Variants in SND1 observed in about 807,000 individuals in gnomAD.
SND1 encodes the protein staphylococcal nuclease and tudor domain containing 1, also known as staphylococcal nuclease domain-containing protein 1.
SND1 carries 38 observed loss-of-function variants against 121.7 expected under a neutral mutation model. The ratio of observed to expected loss-of-function variants is 0.31; its 90% CI spans 0.24 to 0.41. SND1 has a LOEUF of 0.41. SND1 is among the 10% of genes least tolerant of loss of function. The pLI is 1.00. For missense variants in SND1, 868 were observed against 1,184.6 expected (o/e 0.73, Z 3.92); for synonymous variants, 401 against 447.4 (o/e 0.90, Z 1.31).
At chr7:127,999,326 C>G (rs1205519066) in intron 16 of SND1, 5 of 150,924 alleles carry the variant, frequency 3.3e-5, no homozygotes, top group Non-Finnish European at 7.4e-5. Context: ...ATAGTAAACT[C>G]TTCCTTAAGA....
rs184414913 is a variant in SND1, at chr7:127,936,264, C to T, written c.1669+6935C>T. Among the ~76,000 whole-genome samples the T allele has an allele frequency of 2.0e-5, 3 of 152,268 alleles. No homozygotes were observed. In the East Asian group the frequency reaches 5.8e-4, roughly 29 times the overall value. ...CTCCTAAGCGTGCTGATTTCAGTCT[C>T]GGAGGCAGTCACAGACACTTCTTGT... is the stretch of plus-strand genomic sequence containing the variant. On this transcript the variant is annotated intron_variant, in intron 15 of 23. Transcript: ENST00000354725.
intron 11 of SND1, among the ~76,000 whole-genome samples, chr7:127,829,536 C>G (rs1798701846): frequency 6.6e-6 from 1 of 152,224 alleles, no homozygotes; most frequent in Non-Finnish European, 1.5e-5. Context: ...CCTTAGGCCA[C>G]TGACTGCTCT....
chr7:128,039,163 T>C (rs1204860718), intron 16 of SND1, among the ~76,000 whole-genome samples: 1 of 152,240 alleles, frequency 6.6e-6, no homozygotes, highest in Non-Finnish European at 1.5e-5. Context: ...TGTTCCCCCA[T>C]ATCTTCAGGT....
intron 1 of SND1, among the ~76,000 whole-genome samples, chr7:127,682,931 A>G (rs1258668433): frequency 1.3e-5 from 2 of 152,248 alleles, no homozygotes; most frequent in East Asian, 1.9e-4. Flanking sequence ...CTTTCTGAGA[A>G]GAAAAACGGC....
intron 10 of SND1, among the ~76,000 whole-genome samples, chr7:127,781,791 T>C (rs922165161): frequency 2.6e-5 from 4 of 152,222 alleles, no homozygotes; most frequent in Admixed American, 2.0e-4. Flanking sequence ...AATTCAGTAA[T>C]AATGAAAATG....
intron 1 of SND1, among the ~76,000 whole-genome samples, chr7:127,669,601 G>T (rs1261940975): frequency 6.6e-6 from 1 of 152,068 alleles, no homozygotes; most frequent in Non-Finnish European, 1.5e-5. Flanking sequence ...TCTTATATTT[G>T]TTCTTGCTTC....
At chr7:128,077,780 C>T (rs1793530954) in intron 17 of SND1, among the ~76,000 whole-genome samples, 1 of 152,228 alleles carries the variant, frequency 6.6e-6, no homozygotes, top group African/African-American at 2.4e-5. Context: ...TTCCTGGGCC[C>T]TGCTGCTTAG....
At position 128,016,000 on chromosome 7, in the gene SND1, G is replaced by A. The variant is rs566235619; in HGVS notation, c.1779+24944G>A. ...ACCAAAGCGATCTCAGCAGCTGCTG[G>A]AATGCCATTGGTACAGCCATACCAA... On this transcript the variant is annotated intron_variant, in intron 16 of 23. Coordinates refer to ENST00000354725, the MANE Select transcript of SND1 (RefSeq NM_014390.4). This position sits in a 1 kb window ranked among gnomAD's most constrained non-coding sequence, Gnocchi z 4.5. 6.6e-6 allele frequency among the ~76,000 whole-genome samples: 1 copy of A among 152,232 alleles called. No individual in the cohort carries two copies. Among genetic ancestry groups the A allele is most frequent in the South Asian group, 2.1e-4 (1 of 4,816 alleles).
intron 12 of SND1, among the ~76,000 whole-genome samples, chr7:127,877,586 T>C (rs1799714636): frequency 6.6e-6 from 1 of 152,066 alleles, no homozygotes; most frequent in African/African-American, 2.4e-5. Context: ...GTGACATTTC[T>C]CTATCATCCT....
At chr7:127,758,890 C>CA (rs1011606641) in intron 10 of SND1, among the ~76,000 whole-genome samples, 5 of 152,048 alleles carry the variant, frequency 3.3e-5, no homozygotes, top group African/African-American at 1.2e-4. Context: ...CGTATCTCTA[C>CA]AAAAAATTAA....
chr7:128,052,514 G>A lies in SND1; in HGVS notation c.1780-21988G>A, dbSNP rs148207314. Among the ~76,000 whole-genome samples, 96 of 152,344 alleles carry A rather than the reference G, an allele frequency of 6.3e-4. 1 individual carries two copies. The East Asian group carries it at 0.014, about 23-fold the overall frequency. On this transcript the variant is annotated intron_variant, in intron 16 of 23. Transcript: ENST00000354725. The surrounding 1 kb of genome is among the most constrained non-coding windows in gnomAD (Gnocchi z 4.6). ...CCTAGCAGCATCTGCTGAAAGGGGTGTAGTCATCCTGGCCCCAGACAGAGC... is the reference window on the plus strand; with the variant it reads ...CCTAGCAGCATCTGCTGAAAGGGGTATAGTCATCCTGGCCCCAGACAGAGC...
chr7:127,838,604 T>A (rs2116637131), intron 11 of SND1, among the ~76,000 whole-genome samples: 1 of 152,354 alleles, frequency 6.6e-6, no homozygotes. Flanking sequence ...TAATGTTAAA[T>A]ATCTAAATAA....
intron 15 of SND1, among the ~76,000 whole-genome samples, chr7:127,976,533 G>A (rs187109859): frequency 1.1e-4 from 17 of 152,344 alleles, no homozygotes; most frequent in African/African-American, 2.9e-4. Flanking sequence ...AAAAGCTTCC[G>A]TTGAGTGCAC....
At position 127,997,000 on chromosome 7, in the gene SND1, C is replaced by T. The variant is rs147731119; in HGVS notation, c.1779+5944C>T. Among the ~76,000 whole-genome samples, 304 of 152,272 alleles carry T rather than the reference C, an allele frequency of 2.0e-3. 2 individuals are homozygous for T. The highest frequency in any genetic ancestry group is 6.8e-3 in the African/African-American group (282 of 41,558). The stretch of plus-strand genomic sequence containing the variant: ...GTAAGAAAAACTCCTGTCTTAATAG[C>T]GATCAAACCTTAATTTTATATAGCA... On this transcript the variant is annotated intron_variant, in intron 16 of 23. Transcript: ENST00000354725.
intron 12 of SND1, among the ~76,000 whole-genome samples, chr7:127,861,751 G>C (rs189087274): frequency 2.6e-5 from 4 of 152,196 alleles, no homozygotes; most frequent in African/African-American, 9.7e-5. Flanking sequence ...GATTACAGGC[G>C]TGAGCCACCG....
chr7:127,760,240 G>A (rs555847331), intron 10 of SND1, among the ~76,000 whole-genome samples: 4 of 152,162 alleles, frequency 2.6e-5, no homozygotes, highest in Admixed American at 1.3e-4. Context: ...GTGAGAGACC[G>A]GATGAGGAAT....
rs778147999 is a variant in SND1 at position 127,652,422 on chromosome 7, C to T, written c.49C>T (p.Pro17Ser). ...CGGCTCCTCCGGGGGACCCGCGGTC[C>T]CCACCGTGCAGCGGGGCATCATCAA... ...SGGSSGGPAVPTVQRGIIKMV... is the reference protein window; with the variant it reads ...SGGSSGGPAVSTVQRGIIKMV... Residue 17 changes from proline (P) to serine (S), a missense_variant, in exon 1 of 24, where the codon CCC becomes TCC. Around this residue, in one of 2 missense-constraint regions of SND1, gnomAD observed 125 missense variants for 113.3 expected, o/e 1.10. Transcript: ENST00000354725. The T allele has an allele frequency of 1.3e-6, 2 of 1,570,318 alleles. No individual in the cohort carries two copies. The highest frequency in any genetic ancestry group is 1.7e-6 in the Non-Finnish European group (2 of 1,154,266).
At chr7:127,923,394 G>A (rs1012918896) in intron 14 of SND1, among the ~76,000 whole-genome samples, 4 of 152,062 alleles carry the variant, frequency 2.6e-5, no homozygotes, top group Non-Finnish European at 4.4e-5. Flanking sequence ...GCAATTCACT[G>A]AAGTTTACGC....
At chr7:127,692,229 A>G (rs1476443454) in intron 2 of SND1, among the ~76,000 whole-genome samples, 1 of 152,228 alleles carries the variant, frequency 6.6e-6, no homozygotes, top group East Asian at 1.9e-4. Context: ...TTAAAAGCTC[A>G]GTTTCATTGT....
Sources: gnomAD v4.1 joint callset for allele counts (sites outside exome capture counted in the v4.1 genomes callset) on GRCh38, gnomAD v4.1.1 for gene constraint, gnomAD v4.1.1 regional missense constraint, Gnocchi (gnomAD v3.1) non-coding constraint, MANE v1.5 for transcripts, NCBI Gene and HGNC (gene_info 2026-07-23, HGNC 2026-07-21) for gene names.